Variants in CFAP70 observed in about 807,000 individuals in gnomAD.
The protein encoded by CFAP70 is cilia and flagella associated protein 70.
CFAP70 carries 81 observed loss-of-function variants against 137.6 expected under a neutral mutation model. The observed-to-expected ratio is 0.59, with a 90% confidence interval of 0.49 to 0.71. The LOEUF is 0.71. CFAP70 is among the 30% of genes least tolerant of loss of function. CFAP70 has a pLI of 0.00. For missense variants in CFAP70, 976 were observed against 1,226.7 expected, an observed-to-expected ratio of 0.80 and a Z score of 3.05; for synonymous variants, 382 against 423.6, an observed-to-expected ratio of 0.90 and a Z score of 1.20.
intron 11 of CFAP70, among the ~76,000 whole-genome samples, chr10:73,310,867 G>A (rs2049855804): frequency 6.6e-6 from 1 of 152,040 alleles, no homozygotes; most frequent in South Asian, 2.1e-4. Context: ...CAAACTCCTT[G>A]CCTCTCCAGG....
intron 13 of CFAP70, 110 bp from the exon 15 acceptor site, chr10:73,299,211 T>G (rs2048755652): frequency 3.8e-6 from 3 of 794,378 alleles, no homozygotes; most frequent in Non-Finnish European, 5.9e-6. Context: ...TTAGTTTGTT[T>G]GTTTGTTTGT....
At chr10:73,320,736 C>T (rs926971135) in intron 9 of CFAP70, among the ~76,000 whole-genome samples, 1 of 151,472 alleles carries the variant, frequency 6.6e-6, no homozygotes. Flanking sequence ...GGCACAATCT[C>T]GGCTCACTGA....
chr10:73,306,745 G>T (rs1168141084), intron 12 of CFAP70, among the ~76,000 whole-genome samples: 1 of 152,036 alleles, frequency 6.6e-6, no homozygotes, highest in Non-Finnish European at 1.5e-5. Flanking sequence ...TCTATATCTA[G>T]TAAATTATCC....
chr10:73,354,496 G>C (rs1399634064), intron 2 of CFAP70, among the ~76,000 whole-genome samples: 1 of 152,092 alleles, frequency 6.6e-6, no homozygotes, highest in Non-Finnish European at 1.5e-5. Flanking sequence ...CTGCTGTCTA[G>C]GGAAACTAAA....
exon 25 of CFAP70, chr10:73,269,634 G>C: frequency 6.2e-7 from 1 of 1,613,254 alleles, no homozygotes; most frequent in Non-Finnish European, 8.5e-7. Context: ...ACCAGAGCCA[G>C]ATATGCCCAT....
rs1564775265 is a variant in CFAP70, at chr10:73,279,572, T to TAA, written c.2240-1237_2240-1236dup. Among the ~76,000 whole-genome samples, 873 of 103,396 alleles carry TAA rather than the reference T, an allele frequency of 8.4e-3. 4 individuals are homozygous for TAA. Among genetic ancestry groups the TAA allele is most frequent in the South Asian group, 0.028 (63 of 2,262 alleles). 67.8% of individuals were successfully genotyped at this position (103,396 alleles called of 152,430 possible). On this transcript the variant is annotated intron_variant, in intron 19 of 26. Transcript: ENST00000310715. ...AAATAAATAAATAAATAAATAAATA[T>TAA]AAGAAGTTGGGCGAGGTGACTCACG...
chr10:73,263,096 C>T (rs1049373399), intron 25 of CFAP70, among the ~76,000 whole-genome samples: 1 of 152,080 alleles, frequency 6.6e-6, no homozygotes, highest in Non-Finnish European at 1.5e-5. Context: ...TCATTCATTT[C>T]TTCATTCACT....
At chr10:73,300,167 CA>C (rs1451229694) in intron 12 of CFAP70, among the ~76,000 whole-genome samples, 1 of 152,142 alleles carries the variant, frequency 6.6e-6, no homozygotes, top group Non-Finnish European at 1.5e-5. Flanking sequence ...ATAATGCTAT[CA>C]AAACTTAATC....
intron 24 of CFAP70, among the ~76,000 whole-genome samples, chr10:73,270,800 T>C (rs2046243274): frequency 6.6e-6 from 1 of 151,480 alleles, no homozygotes; most frequent in African/African-American, 2.4e-5. Flanking sequence ...CCTCCCAAAG[T>C]GCTGGGATTA....
chr10:73,340,872 C>T (rs933648308), intron 6 of CFAP70, among the ~76,000 whole-genome samples: 6 of 152,218 alleles, frequency 3.9e-5, no homozygotes, highest in Non-Finnish European at 7.3e-5. Flanking sequence ...GGCTTCCCAG[C>T]TTCCAAGAGT....
chr10:73,272,777 C>A (rs1352303430), intron 24 of CFAP70, 151 bp downstream of exon 25: 2 of 739,794 alleles, frequency 2.7e-6, no homozygotes. Context: ...ACCTTCAGTT[C>A]ACTGAACACC....
At chr10:73,352,851 C>G (rs560354336) in intron 3 of CFAP70, among the ~76,000 whole-genome samples, 79 of 152,156 alleles carry the variant, frequency 5.2e-4, no homozygotes, top group Non-Finnish European at 1.0e-3. Context: ...CTTCCAAATG[C>G]TTTGCAATTT....
At chr10:73,334,991 C>T (rs1446407524) in intron 7 of CFAP70, among the ~76,000 whole-genome samples, 1 of 151,222 alleles carries the variant, frequency 6.6e-6, no homozygotes, top group East Asian at 1.9e-4. Context: ...TCAAGCAATC[C>T]TATCATGTCA....
chr10:73,342,851 C>T (rs1172359249), intron 5 of CFAP70, among the ~76,000 whole-genome samples: 4 of 151,956 alleles, frequency 2.6e-5, no homozygotes, highest in Admixed American at 6.6e-5. Context: ...CCGAGGCGGG[C>T]GGATCACAAG....
intron 6 of CFAP70, 104 bp from the exon 8 acceptor site, chr10:73,335,628 A>C: frequency 1.4e-6 from 1 of 702,616 alleles, no homozygotes. Flanking sequence ...TACTTTTCTT[A>C]GTATTATTAC....
At chr10:73,279,523 C>CAATA (rs35709122) in intron 19 of CFAP70, among the ~76,000 whole-genome samples, 37,928 of 129,068 alleles carry the variant, frequency 0.29, 5,979 homozygotes, top group Admixed American at 0.35. Context: ...GACTCTGTCT[C>CAATA]AATAAATAAA....
intron 19 of CFAP70, among the ~76,000 whole-genome samples, chr10:73,284,240 A>G (rs952925043): frequency 2.6e-5 from 4 of 152,104 alleles, no homozygotes; most frequent in Admixed American, 6.5e-5. Flanking sequence ...GAAGCATAAC[A>G]TCTTCAAATA....
chr10:73,282,826 C>CTTTTTTTTT (rs1203127459), intron 19 of CFAP70, among the ~76,000 whole-genome samples: 15 of 90,918 alleles, frequency 1.6e-4, no homozygotes, highest in East Asian at 3.7e-4. Flanking sequence ...TTCCTGTTAT[C>CTTTTTTTTT]TTTTTTTTTT....
Position 73,274,550 on chromosome 10 carries a change from A to G in CFAP70, c.2718T>C (p.Ser906=), listed in dbSNP as rs764303510. ...ATGCCTTGGCCTCAGAATGATTTCC[A>G]CTCAGAAAATAGAGATGGCCCTTCA... The change falls in exon 23 of 27, where the codon AGT becomes AGC. Residue 906 remains serine (S), a synonymous_variant. Transcript: ENST00000310715. 5.0e-6 allele frequency: 8 copies of G among 1,614,102 alleles called. No homozygotes were observed. In the Admixed American group the frequency reaches 1.3e-4, roughly 27 times the overall value.
Sources: allele counts gnomAD v4.1 joint callset (sites outside exome capture counted in the v4.1 genomes callset), GRCh38; gene constraint gnomAD v4.1.1; transcripts MANE v1.5; gene names NCBI Gene and HGNC (gene_info 2026-07-23, HGNC 2026-07-21).